Variants in DHRS12 observed in about 807,000 individuals in gnomAD.
DHRS12 encodes dehydrogenase/reductase 12.
DHRS12 carries 29 observed loss-of-function variants against 32.1 expected under a neutral mutation model. The ratio of observed to expected loss-of-function variants is 0.90; its 90% CI spans 0.67 to 1.23. DHRS12 has a LOEUF of 1.23. Among genes scored for constraint, DHRS12 ranks in the 50% most tolerant of loss-of-function variants. DHRS12 has a pLI of 0.00. For synonymous variants in DHRS12, 150 were observed against 135.9 expected (o/e 1.10, Z -0.72); for missense variants, 330 against 337.2 (o/e 0.98, Z 0.17).
At chr13:51,757,203 G>A in the DHRS12 span, among the ~76,000 whole-genome samples, 1 of 152,058 alleles carries the variant, frequency 6.6e-6, no homozygotes, top group Non-Finnish European at 1.5e-5. Context: ...AGATGCCCTT[G>A]CATAAGTATG....
At position 51,774,033 on chromosome 13, in the gene DHRS12, A is replaced by T; in HGVS notation, c.365T>A (p.Ile122Lys). 3 of 1,613,764 alleles carry T rather than the reference A, an allele frequency of 1.9e-6. No individual in the cohort carries two copies. In the South Asian group the frequency reaches 3.3e-5, roughly 18 times the overall value. The change falls in exon 6 of 9, where the codon ATA becomes AAA. Residue 122 changes from isoleucine (I) to lysine (K), a missense_variant and splice_region_variant. Ile to Lys is a moderately radical substitution (Grantham distance 102, BLOSUM62 -3). Coordinates refer to ENST00000444610, the MANE Select transcript of DHRS12 (RefSeq NM_001377533.1). Reference protein sequence around the residue: ...VLEKEHDPRVITVSSGGMLVQ... With the variant: ...VLEKEHDPRVKTVSSGGMLVQ... The stretch of plus-strand genomic sequence containing the variant: ...CAACATTCCTCCTGAGGAGACGGTT[A>T]TCTGCAATAAAGGTAACAGAGATTT...
intron 1 of DHRS12, among the ~76,000 whole-genome samples, chr13:51,803,378 T>A (rs1478064873): frequency 6.6e-6 from 1 of 152,236 alleles, no homozygotes; most frequent in African/African-American, 2.4e-5. Context: ...GTGATTCTGA[T>A]GTGCAGACAG....
downstream of DHRS12, chr13:51,763,704 GGGA>G (rs1316368524): frequency 2.6e-5 from 4 of 152,184 alleles, no homozygotes; most frequent in African/African-American, 9.7e-5. Context: ...AAGCTGAGGC[GGGA>G]GGATCACTCG....
chr13:51,768,100 GTGGGGTCTTCTTAT>G lies in DHRS12; in HGVS notation c.*73_*86del. The stretch of plus-strand genomic sequence containing the variant: ...ACAACGTCTTCGAGGGGAAGTTGAA[GTGGGGTCTTCTTAT>G]TCACTGGTCCCTAGACCGCACCTTC... On this transcript the variant is annotated 3_prime_UTR_variant, in exon 9 of 9. Transcript: ENST00000444610. 1 of 1,505,590 alleles carries G rather than the reference GTGGGGTCTTCTTAT, an allele frequency of 6.6e-7. No homozygotes were observed. 93.3% of individuals were successfully genotyped at this position (1,505,590 alleles called of 1,614,324 possible).
intron 2 of DHRS12, among the ~76,000 whole-genome samples, chr13:51,791,825 G>A (rs900577309): frequency 5.3e-5 from 8 of 152,270 alleles, no homozygotes; most frequent in African/African-American, 1.9e-4. Flanking sequence ...GAGTACTATG[G>A]CTACCTCACA....
intron 8 of DHRS12, 102 bp from the exon 9 acceptor site, chr13:51,768,398 G>T: frequency 6.6e-7 from 1 of 1,506,554 alleles, no homozygotes; most frequent in South Asian, 1.3e-5. Context: ...TGCTGGAGTG[G>T]CAGCACCCTA....
chr13:51,785,133 C>T (rs1954893726), intron 4 of DHRS12, among the ~76,000 whole-genome samples: 1 of 152,094 alleles, frequency 6.6e-6, no homozygotes. Context: ...GAGGCTGAGG[C>T]AGGAGAATTG....
intron 5 of DHRS12, chr13:51,775,997 T>C (rs1488458709): frequency 2.3e-5 from 3 of 133,314 alleles, no homozygotes; most frequent in African/African-American, 3.2e-5. Context: ...CCTACATGTA[T>C]TCTACAGTAT....
chr13:51,784,846 A>G (rs548120852), intron 4 of DHRS12, among the ~76,000 whole-genome samples: 1 of 152,348 alleles, frequency 6.6e-6, no homozygotes, highest in African/African-American at 2.4e-5. Context: ...GTATGTGTCT[A>G]ATTCCCCCAC....
intron 4 of DHRS12, chr13:51,789,699 T>C (rs1955171728): frequency 1.0e-6 from 1 of 985,356 alleles, no homozygotes; most frequent in African/African-American, 1.7e-5. Context: ...GTTGCAGTTT[T>C]TAGACTTGCA....
At chr13:51,781,259 T>C (rs1428735632) in intron 4 of DHRS12, among the ~76,000 whole-genome samples, 1 of 152,166 alleles carries the variant, frequency 6.6e-6, no homozygotes, top group African/African-American at 2.4e-5. Context: ...GGCACTGGCT[T>C]CCTATGGGGT....
chr13:51,785,355 C>A (rs1032466049), intron 4 of DHRS12, among the ~76,000 whole-genome samples: 9 of 150,458 alleles, frequency 6.0e-5, no homozygotes, highest in African/African-American at 1.7e-4. Context: ...AAAAAAAAAA[C>A]AAACCCTTGT....
At chr13:51,768,866 G>C in intron 8 of DHRS12, 1 of 1,364,746 alleles carries the variant, frequency 7.3e-7, no homozygotes, top group South Asian at 1.7e-5. Flanking sequence ...CTGGGCCTCA[G>C]CAAACTGCAG....
At chr13:51,786,152 CCTA>C (rs1231547887) in intron 4 of DHRS12, among the ~76,000 whole-genome samples, 3 of 152,224 alleles carry the variant, frequency 2.0e-5, no homozygotes. Flanking sequence ...TCCAAAGTGA[CCTA>C]AGGTGAACTT....
At chr13:51,802,859 C>G (rs1423045142) in intron 1 of DHRS12, among the ~76,000 whole-genome samples, 3 of 152,254 alleles carry the variant, frequency 2.0e-5, no homozygotes, top group Admixed American at 6.5e-5. Context: ...GGCCTCACTT[C>G]TACCTTCCCT....
chr13:51,800,389 C>T (rs1240654776), intron 1 of DHRS12, among the ~76,000 whole-genome samples: 1 of 152,220 alleles, frequency 6.6e-6, no homozygotes, highest in Non-Finnish European at 1.5e-5. Flanking sequence ...TTTGCGATAC[C>T]TCTCTACCTT....
intron 6 of DHRS12, among the ~76,000 whole-genome samples, chr13:51,773,272 T>A (rs930031938): frequency 6.6e-6 from 1 of 152,220 alleles, no homozygotes; most frequent in Non-Finnish European, 1.5e-5. Flanking sequence ...CATTTATGTG[T>A]CATATACGCC....
At chr13:51,784,016 A>C (rs1238850964) in intron 4 of DHRS12, among the ~76,000 whole-genome samples, 1 of 152,194 alleles carries the variant, frequency 6.6e-6, no homozygotes, top group South Asian at 2.1e-4. Context: ...TCTTTTTTAA[A>C]TCTTCACTTC....
rs559791262 is a variant in DHRS12 at position 51,804,016 on chromosome 13, G to A, written c.-9+38C>T. 62 of 1,450,470 alleles carry A rather than the reference G, an allele frequency of 4.3e-5. No homozygotes were observed. The South Asian group carries it at 6.1e-4, about 14-fold the overall frequency. The allele number at this position is 1,450,470 out of a possible 1,614,324, so 89.8% of individuals were successfully genotyped here. Reference sequence around the variant, plus strand: ...TCGCCCGCGCCGAGGCGGGCCACGTGACAGCCCGGGGCCCCGCGCCCCGCC... The same window carrying A: ...TCGCCCGCGCCGAGGCGGGCCACGTAACAGCCCGGGGCCCCGCGCCCCGCC... On this transcript the variant is annotated intron_variant, in intron 1 of 8. Coordinates refer to ENST00000444610, the MANE Select transcript of DHRS12 (RefSeq NM_001377533.1).
Sources: allele counts gnomAD v4.1 joint callset (sites outside exome capture counted in the v4.1 genomes callset), GRCh38; gene constraint gnomAD v4.1.1; transcripts MANE v1.5; gene names NCBI Gene and HGNC (gene_info 2026-07-23, HGNC 2026-07-21).